The following ARMH3 variants were observed in gnomAD, a reference collection of about 807,000 sequenced individuals.
The protein encoded by ARMH3 is armadillo-like helical domain-containing protein 3.
ARMH3 carries 60 observed loss-of-function variants against 99.1 expected under a neutral mutation model. That is an observed-to-expected ratio of 0.61 (90% CI 0.49 to 0.75). The LOEUF (loss-of-function observed/expected upper bound fraction) is 0.75. Among genes scored for constraint, ARMH3 ranks in the 30% least tolerant of loss-of-function variants. ARMH3 has a pLI of 0.00. For synonymous variants in ARMH3, 285 were observed against 292.8 expected, an observed-to-expected ratio of 0.97 and a Z score of 0.27; for missense variants, 679 against 843.1, an observed-to-expected ratio of 0.81 and a Z score of 2.41.
intron 23 of ARMH3, among the ~76,000 whole-genome samples, chr10:101,921,873 GAT>G (rs1398763586): frequency 6.6e-6 from 1 of 152,180 alleles, no homozygotes; most frequent in East Asian, 1.9e-4. Flanking sequence ...TTCGTTAATG[GAT>G]ATAACATATA....
In ARMH3 at chr10:102,055,800, G is replaced by A. The variant is rs536452090; in HGVS notation, c.-12+285C>T. Among the ~76,000 whole-genome samples, 19 of 152,344 alleles carry A rather than the reference G, an allele frequency of 1.2e-4. No homozygotes were observed. The East Asian group carries it at 3.3e-3, about 26-fold the overall frequency. On this transcript the variant is annotated intron_variant, in intron 1 of 25. Coordinates refer to ENST00000370033, the MANE Select transcript of ARMH3 (RefSeq NM_024541.3). The stretch of plus-strand genomic sequence containing the variant: ...ACCTCGGAAGCCAGAAGGCCCCGCA[G>A]GGATGCGGGAGAGGGACGTGACCGG...
At chr10:101,940,430 C>T (rs751808063) in intron 22 of ARMH3, among the ~76,000 whole-genome samples, 51 of 152,044 alleles carry the variant, frequency 3.4e-4, no homozygotes, top group Non-Finnish European at 5.3e-4. Context: ...AGAGGATGGT[C>T]ATGTGTCAAT....
intron 14 of ARMH3, among the ~76,000 whole-genome samples, chr10:102,005,320 T>C (rs1336431017): frequency 6.8e-6 from 1 of 146,796 alleles, no homozygotes; most frequent in African/African-American, 2.5e-5. Flanking sequence ...GAGGCAGAGG[T>C]TGCAGTGAGC....
intron 24 of ARMH3, among the ~76,000 whole-genome samples, chr10:101,862,048 CAAAAAAA>C (rs34359012): frequency 8.3e-5 from 3 of 36,338 alleles, no homozygotes; most frequent in South Asian, 1.6e-3. Flanking sequence ...GATTCCCTCT[CAAAAAAA>C]AAAAAAAAAA....
intron 1 of ARMH3, among the ~76,000 whole-genome samples, chr10:102,049,542 C>CA (rs1344904060): frequency 2.1e-5 from 3 of 142,168 alleles, no homozygotes; most frequent in Admixed American, 7.0e-5. Context: ...ACTCTGTTTC[C>CA]AAAAAAAAAG....
At chr10:101,943,831 G>A (rs138724960) in intron 22 of ARMH3, among the ~76,000 whole-genome samples, 4 of 151,346 alleles carry the variant, frequency 2.6e-5, no homozygotes, top group East Asian at 2.0e-4. Flanking sequence ...TTGGGAGGCC[G>A]AGGTGGGTGG....
intron 20 of ARMH3, among the ~76,000 whole-genome samples, chr10:101,960,839 G>A (rs927463903): frequency 2.0e-5 from 3 of 147,832 alleles, no homozygotes; most frequent in Non-Finnish European, 3.0e-5. Context: ...GCAGTGAGCC[G>A]AGATTGCACC....
At chr10:101,906,476 G>A (rs1289781565) in intron 23 of ARMH3, among the ~76,000 whole-genome samples, 2 of 152,182 alleles carry the variant, frequency 1.3e-5, no homozygotes, top group Non-Finnish European at 2.9e-5. Flanking sequence ...ACAGTTAGGA[G>A]GCTCTTATAA....
intron 14 of ARMH3, among the ~76,000 whole-genome samples, chr10:102,006,049 T>C (rs764226760): frequency 5.5e-4 from 84 of 152,250 alleles, no homozygotes; most frequent in Non-Finnish European, 1.0e-3. Flanking sequence ...GACAAGATCC[T>C]GCTTACATGT....
chr10:101,895,305 C>T (rs1255062576), intron 23 of ARMH3, among the ~76,000 whole-genome samples: 2 of 139,914 alleles, frequency 1.4e-5, no homozygotes, highest in African/African-American at 2.7e-5. Flanking sequence ...TTCGAGAGGG[C>T]GTCTCGCTCT....
intron 24 of ARMH3, among the ~76,000 whole-genome samples, chr10:101,863,627 A>T (rs1589924456): frequency 6.6e-6 from 1 of 152,286 alleles, no homozygotes; most frequent in East Asian, 1.9e-4. Context: ...GTATCTTAGA[A>T]ATTTTGAAAA....
intron 1 of ARMH3, among the ~76,000 whole-genome samples, chr10:102,055,201 G>T (rs2067811334): frequency 6.6e-6 from 1 of 151,938 alleles, no homozygotes; most frequent in South Asian, 2.1e-4. Flanking sequence ...CAAGGCTGAG[G>T]CAGGAGAATC....
intron 1 of ARMH3, among the ~76,000 whole-genome samples, chr10:102,049,641 G>A (rs2067647451): frequency 6.6e-6 from 1 of 150,818 alleles, no homozygotes; most frequent in Non-Finnish European, 1.5e-5. Context: ...CACAATCATG[G>A]CTCACTGCAG....
At chr10:101,852,772 AAAAAG>A (rs2066634459) in intron 24 of ARMH3, among the ~76,000 whole-genome samples, 1 of 151,744 alleles carries the variant, frequency 6.6e-6, no homozygotes, top group Admixed American at 6.6e-5. Context: ...AAAAGAAAAG[AAAAAG>A]AAAAGAAAAA....
chr10:102,006,810 C>T (rs2066501761), intron 13 of ARMH3, among the ~76,000 whole-genome samples, 177 bp from the exon 14 acceptor site: 1 of 152,002 alleles, frequency 6.6e-6, no homozygotes, highest in Non-Finnish European at 1.5e-5. Flanking sequence ...ACTCTCCTGC[C>T]TCAGCCTCCT....
At position 102,009,446 on chromosome 10, in the gene ARMH3, G is replaced by T. The variant is rs1469891059; in HGVS notation, c.882C>A (p.Thr294=). The T allele has an allele frequency of 1.9e-6, 3 of 1,613,152 alleles. No homozygotes were observed. In the East Asian group the frequency reaches 6.7e-5, roughly 36 times the overall value. ...AAAGTGCCAGAAGAATGGCCTCATT[G>T]GTTCTAAAGAAAAAGAGAACAAATT... ...ADAHEKISVQ[T]NEAILLALYE... is the part of the protein sequence containing the mutation. Residue 294 remains threonine (T), a synonymous_variant, in exon 13 of 26, where the codon ACC becomes ACA. Transcript: ENST00000370033.
chr10:101,889,600 G>A (rs1398996455), intron 23 of ARMH3, 110 bp from the exon 24 acceptor site: 14 of 962,434 alleles, frequency 1.5e-5, no homozygotes, highest in Non-Finnish European at 2.2e-5. Flanking sequence ...GCATGGGACC[G>A]ATTGTGACTG....
At position 101,990,555 on chromosome 10, in the gene ARMH3, A is replaced by G. The variant is rs1317203604; in HGVS notation, c.1402T>C (p.Tyr468His). 2 of 1,576,152 alleles carry G rather than the reference A, an allele frequency of 1.3e-6. No homozygotes were observed. The highest frequency in any genetic ancestry group is 1.7e-6 in the Non-Finnish European group (2 of 1,145,796). ...HMMKEFPMDL[Y>H]IRCIQVVHKL... The stretch of plus-strand genomic sequence containing the variant: ...TGTGTACATATTTGTACTTACATAT[A>G]GAGATCCATAGGAAACTCCTTCATC... Residue 468 changes from tyrosine to histidine, a missense_variant, in exon 19 of 26, where the codon TAT becomes CAT. Physicochemically the swap from Tyr to His is moderately conservative, Grantham distance 83. Around this residue, in one of 3 missense-constraint regions of ARMH3, gnomAD observed 389 missense variants for 456.5 expected, o/e 0.85. Coordinates refer to ENST00000370033, the MANE Select transcript of ARMH3 (RefSeq NM_024541.3).
intron 20 of ARMH3, among the ~76,000 whole-genome samples, chr10:101,965,630 C>T (rs988762137): frequency 3.9e-5 from 6 of 152,188 alleles, no homozygotes. Context: ...CTTAACTCTG[C>T]ACCAAGTGAA....
Sources: gnomAD v4.1 joint callset for allele counts (sites outside exome capture counted in the v4.1 genomes callset) on GRCh38, gnomAD v4.1.1 for gene constraint, gnomAD v4.1.1 regional missense constraint, MANE v1.5 for transcripts, NCBI Gene and HGNC (gene_info 2026-07-23, HGNC 2026-07-21) for gene names.